PIK3C2G: variants seen among roughly 807,000 people sequenced by gnomAD.
The protein encoded by PIK3C2G is phosphatidylinositol-4-phosphate 3-kinase catalytic subunit type 2 gamma.
In PIK3C2G, 168 loss-of-function variants were observed where a neutral mutation model predicts 181.1. The observed-to-expected ratio is 0.93, with a 90% CI of 0.82 to 1.05. PIK3C2G has a LOEUF of 1.05. Ranked by LOEUF, PIK3C2G falls within the 50% of genes least tolerant of loss-of-function variation. The pLI is 0.00. For missense variants in PIK3C2G, 1,869 were observed against 1,732.8 expected (o/e 1.08, Z -1.40); for synonymous variants, 573 against 592.2 (o/e 0.97, Z 0.47).
chr12:18,578,893 T>C (rs1290629399), intron 29 of PIK3C2G, among the ~76,000 whole-genome samples: 1 of 152,104 alleles, frequency 6.6e-6, no homozygotes, highest in East Asian at 1.9e-4. Flanking sequence ...ACTTCCGTAA[T>C]AGAATAATCT....
rs564310877 is a variant in PIK3C2G, at chr12:18,382,003, G to A, written c.1995+123G>A. ...ATTTTAATAGCCTTCTCTGCCTCCA[G>A]CCTTCTGGGATTTGTGAAACCTCTA... On this transcript the variant is annotated intron_variant, in intron 14 of 32. Coordinates refer to ENST00000538779, the MANE Select transcript of PIK3C2G (RefSeq NM_001288772.2). The A allele has an allele frequency of 1.4e-5, 9 of 665,730 alleles. No individual in the cohort carries two copies. The East Asian group carries it at 2.2e-4, about 16-fold the overall frequency. The allele number at this position is 665,730 out of a possible 1,614,324, so 41.2% of individuals were successfully genotyped here.
chr12:18,414,909 G>A (rs1243903207), intron 16 of PIK3C2G, among the ~76,000 whole-genome samples: 1 of 152,152 alleles, frequency 6.6e-6, no homozygotes, highest in East Asian at 1.9e-4. Flanking sequence ...ATCTCAGAAT[G>A]TCATGTGGTT....
chr12:18,683,408 T>G, the PIK3C2G span: 1 of 1,483,610 alleles, frequency 6.7e-7, no homozygotes, highest in Non-Finnish European at 9.4e-7. Flanking sequence ...ACAAGAGCTC[T>G]TTACTAAGCC....
chr12:18,442,713 T>C (rs1288918830), intron 18 of PIK3C2G, among the ~76,000 whole-genome samples: 1 of 152,182 alleles, frequency 6.6e-6, no homozygotes, highest in Non-Finnish European at 1.5e-5. Context: ...TTATAATTCT[T>C]CAGATATTAA....
chr12:18,299,242 C>A (rs1950073907), intron 5 of PIK3C2G, among the ~76,000 whole-genome samples: 1 of 151,854 alleles, frequency 6.6e-6, no homozygotes, highest in Non-Finnish European at 1.5e-5. Flanking sequence ...GTTTTCCTTG[C>A]AGAGGTCTTT....
chr12:18,601,205 A>G (rs559913515), intron 30 of PIK3C2G, among the ~76,000 whole-genome samples: 1 of 151,920 alleles, frequency 6.6e-6, no homozygotes, highest in Non-Finnish European at 1.5e-5. Context: ...TAAAAATCAC[A>G]TGGTCACCTC....
Position 18,594,558 on chromosome 12 carries a change from C to G in PIK3C2G, c.4076C>G (p.Pro1359Arg). The change falls in exon 30 of 33, where the codon CCT (proline) becomes CGT (arginine). Residue 1359 changes from proline (P) to arginine (R), a missense_variant. Pro to Arg is a moderately radical substitution (Grantham distance 103, BLOSUM62 -2). Transcript: ENST00000538779. Reference protein sequence around the residue: ...AVQQTVEESSPVYLGEKFPDK... With the variant: ...AVQQTVEESSRVYLGEKFPDK... The stretch of plus-strand genomic sequence containing the variant: ...CAACAAACAGTTGAAGAATCATCAC[C>G]TGTGTACCTAGGTAAGTAAATTTGT... 6.5e-7 allele frequency: 1 copy of G among 1,530,452 alleles called. No individual in the cohort carries two copies. Among genetic ancestry groups the G allele is most frequent in the Non-Finnish European group, 8.8e-7 (1 of 1,138,204 alleles). 94.8% of individuals were successfully genotyped at this position (1,530,452 alleles called of 1,614,324 possible).
chr12:18,369,148 G>C (rs1252687022), intron 12 of PIK3C2G, among the ~76,000 whole-genome samples: 1 of 152,110 alleles, frequency 6.6e-6, no homozygotes. Context: ...ACATCTCATG[G>C]CCATCAGGTA....
At chr12:18,414,569 A>C (rs1050564996) in intron 16 of PIK3C2G, among the ~76,000 whole-genome samples, 3 of 150,120 alleles carry the variant, frequency 2.0e-5, no homozygotes, top group African/African-American at 5.1e-5. Context: ...TATCATATTT[A>C]ATTTAACTAT....
intron 8 of PIK3C2G, among the ~76,000 whole-genome samples, chr12:18,332,854 A>G (rs1407985826): frequency 6.6e-6 from 1 of 151,984 alleles, no homozygotes; most frequent in Non-Finnish European, 1.5e-5. Context: ...CTGATTACCT[A>G]CACACCTGAG....
intron 18 of PIK3C2G, among the ~76,000 whole-genome samples, chr12:18,433,473 C>T (rs1946279020): frequency 6.6e-6 from 1 of 152,008 alleles, no homozygotes; most frequent in African/African-American, 2.4e-5. Context: ...TTACAGTGAG[C>T]CGAGATCACG....
chr12:18,712,104 C>T, the PIK3C2G span, among the ~76,000 whole-genome samples: 3 of 152,058 alleles, frequency 2.0e-5, no homozygotes, highest in African/African-American at 7.2e-5. Context: ...AGTTTTAGTA[C>T]GTAGTAAGAA....
At chr12:18,419,472 A>G (rs1240389824) in intron 16 of PIK3C2G, among the ~76,000 whole-genome samples, 1 of 152,200 alleles carries the variant, frequency 6.6e-6, no homozygotes, top group Non-Finnish European at 1.5e-5. Flanking sequence ...ATTAGAGTCA[A>G]TCACATTTAG....
At chr12:18,606,808 C>G (rs1280148531) in intron 30 of PIK3C2G, among the ~76,000 whole-genome samples, 1 of 151,718 alleles carries the variant, frequency 6.6e-6, no homozygotes. Context: ...AACATACAAC[C>G]AAAGATTATA....
chr12:18,609,688 C>T (rs1215216179), intron 31 of PIK3C2G, 59 bp downstream of exon 31: 1 of 1,011,998 alleles, frequency 9.9e-7, no homozygotes, highest in African/African-American at 1.6e-5. Context: ...TCACTTACCT[C>T]CTTTGGGCAA....
chr12:18,497,620 C>T lies in PIK3C2G; in HGVS notation c.2888C>T (p.Ala963Val). 1 of 1,611,432 alleles carries T rather than the reference C, an allele frequency of 6.2e-7. No individual in the cohort carries two copies. Among genetic ancestry groups the T allele is most frequent in the African/African-American group, 1.3e-5 (1 of 74,924 alleles). The change falls in exon 22 of 33, where the codon GCT becomes GTT. Residue 963 changes from alanine to valine, a missense_variant and splice_region_variant. By Grantham distance (64) the Ala-to-Val change is moderately conservative. Coordinates refer to ENST00000538779, the MANE Select transcript of PIK3C2G (RefSeq NM_001288772.2). The part of the protein sequence containing the change: ...MGKNISIIFK[A>V]GDDLRQDMLV... ...GGTCTATAATTTTGTTTTTAACAGG[C>T]TGGAGATGATCTTCGTCAGGATATG...
At chr12:18,351,509 A>T (rs12317517) in intron 11 of PIK3C2G, among the ~76,000 whole-genome samples, 17,743 of 152,106 alleles carry the variant, frequency 0.12, 1,402 homozygotes, top group Admixed American at 0.25. Context: ...GCACATTCTA[A>T]GAGTTTTGCT....
At chr12:18,324,992 T>C in intron 7 of PIK3C2G, 43 bp from the exon 8 acceptor site, 1 of 1,001,608 alleles carries the variant, frequency 1.0e-6, no homozygotes. Context: ...ATATAAGTTT[T>C]CCCACCCAAT....
At chr12:18,578,895 G>A (rs1946356843) in intron 29 of PIK3C2G, among the ~76,000 whole-genome samples, 2 of 151,928 alleles carry the variant, frequency 1.3e-5, no homozygotes, top group African/African-American at 4.8e-5. Flanking sequence ...TTCCGTAATA[G>A]AATAATCTGC....
Sources: allele counts gnomAD v4.1 joint callset (sites outside exome capture counted in the v4.1 genomes callset), GRCh38; gene constraint gnomAD v4.1.1; transcripts MANE v1.5; gene names NCBI Gene and HGNC (gene_info 2026-07-23, HGNC 2026-07-21).